Variants in LRBA observed in about 807,000 individuals in gnomAD.
LRBA encodes the protein lipopolysaccharide-responsive and beige-like anchor protein.
LRBA carries 176 observed loss-of-function variants against 330.0 expected under a neutral mutation model. The observed-to-expected ratio is 0.53, with a 90% CI of 0.47 to 0.60. The LOEUF (loss-of-function observed/expected upper bound fraction) is 0.60. Among genes scored for constraint, LRBA ranks in the 20% least tolerant of loss-of-function variants. The pLI is 0.00. For synonymous variants in LRBA, 1,230 were observed against 1,193.0 expected, an observed-to-expected ratio of 1.03 and a Z score of -0.64; for missense variants, 3,259 against 3,444.8, an observed-to-expected ratio of 0.95 and a Z score of 1.35.
At chr4:150,503,705 G>A (rs113723179) in intron 40 of LRBA, among the ~76,000 whole-genome samples, 42 of 152,308 alleles carry the variant, frequency 2.8e-4, no homozygotes, top group African/African-American at 9.1e-4. Flanking sequence ...CCATAGGAAC[G>A]CAGCTCCTCA....
At chr4:150,707,327 G>A (rs1219532041) in intron 36 of LRBA, among the ~76,000 whole-genome samples, 1 of 151,578 alleles carries the variant, frequency 6.6e-6, no homozygotes, top group African/African-American at 2.4e-5. Context: ...ACATGAGATT[G>A]TTAAAACAGC....
intron 40 of LRBA, chr4:150,582,918 C>G: frequency 4.6e-6 from 6 of 1,292,158 alleles, no homozygotes; most frequent in Non-Finnish European, 6.4e-6. Flanking sequence ...TAGGGCTTAA[C>G]GGGGAGCGCA....
chr4:151,002,521 T>C (rs1368626554), intron 2 of LRBA, among the ~76,000 whole-genome samples: 1 of 145,662 alleles, frequency 6.9e-6, no homozygotes, highest in Non-Finnish European at 1.5e-5. Context: ...GCTGAGACTG[T>C]GCCATCACAC....
chr4:150,745,644 T>C (rs568581523), intron 35 of LRBA, among the ~76,000 whole-genome samples: 1 of 152,228 alleles, frequency 6.6e-6, no homozygotes, highest in East Asian at 1.9e-4. Flanking sequence ...GCCTCCTGAG[T>C]AGCTGGGATT....
At chr4:150,475,153 A>G (rs1029122563) in intron 42 of LRBA, among the ~76,000 whole-genome samples, 3 of 152,090 alleles carry the variant, frequency 2.0e-5, no homozygotes, top group Non-Finnish European at 2.9e-5. Flanking sequence ...AATCCTTTTT[A>G]TATACTGCTG....
At chr4:150,543,697 G>A (rs1765555827) in intron 40 of LRBA, among the ~76,000 whole-genome samples, 1 of 152,034 alleles carries the variant, frequency 6.6e-6, no homozygotes. Context: ...CCGAGAAAAG[G>A]TTTCAACAGC....
intron 47 of LRBA, among the ~76,000 whole-genome samples, chr4:150,401,390 C>T (rs998376255): frequency 2.0e-5 from 3 of 151,968 alleles, no homozygotes; most frequent in African/African-American, 7.3e-5. Flanking sequence ...AATTTTTTTC[C>T]GATAACATCA....
intron 48 of LRBA, among the ~76,000 whole-genome samples, chr4:150,346,960 C>A (rs1305817675): frequency 1.3e-5 from 2 of 151,706 alleles, no homozygotes; most frequent in Non-Finnish European, 2.9e-5. Context: ...TGGAAACAAC[C>A]CAAAATGCCC....
At chr4:150,407,877 T>TA (rs1746419554) in intron 47 of LRBA, among the ~76,000 whole-genome samples, 1 of 151,762 alleles carries the variant, frequency 6.6e-6, no homozygotes, top group Admixed American at 6.6e-5. Context: ...GGAAACAAAA[T>TA]ATCAAAATTT....
intron 33 of LRBA, among the ~76,000 whole-genome samples, chr4:150,805,004 T>C (rs1742351208): frequency 1.3e-5 from 2 of 152,074 alleles, no homozygotes; most frequent in South Asian, 2.1e-4. Flanking sequence ...ATTGGTATTT[T>C]GAAGTCAGTC....
At chr4:150,349,421 A>G (rs922702722) in intron 48 of LRBA, among the ~76,000 whole-genome samples, 16 of 152,224 alleles carry the variant, frequency 1.1e-4, no homozygotes, top group African/African-American at 3.9e-4. Flanking sequence ...TACTAAAAAA[A>G]GTAAGGTCTT....
At chr4:150,851,122 A>G (rs1750565671) in intron 23 of LRBA, among the ~76,000 whole-genome samples, 1 of 152,220 alleles carries the variant, frequency 6.6e-6, no homozygotes, top group Non-Finnish European at 1.5e-5. Flanking sequence ...ACAATTTAAA[A>G]GTAATTAACT....
chr4:150,280,012 T>C (rs1411222667), intron 55 of LRBA, among the ~76,000 whole-genome samples: 1 of 152,206 alleles, frequency 6.6e-6, no homozygotes, highest in Non-Finnish European at 1.5e-5. Context: ...TAGTAAAGAA[T>C]CTCTAATCCT....
chr4:150,266,931 T>C (rs918258275), intron 56 of LRBA, among the ~76,000 whole-genome samples: 2 of 151,988 alleles, frequency 1.3e-5, no homozygotes, highest in African/African-American at 4.8e-5. Context: ...TCAGACAAAA[T>C]AGTCTTTCAG....
At chr4:150,754,614 T>C (rs1377392765) in intron 35 of LRBA, among the ~76,000 whole-genome samples, 3 of 149,334 alleles carry the variant, frequency 2.0e-5, no homozygotes, top group African/African-American at 4.9e-5. Context: ...AAAAATAGCA[T>C]CATTTCCAAA....
At chr4:150,360,783 T>TAAC (rs1738578701) in intron 47 of LRBA, among the ~76,000 whole-genome samples, 1 of 152,238 alleles carries the variant, frequency 6.6e-6, no homozygotes, top group African/African-American at 2.4e-5. Flanking sequence ...AGCAGAAATG[T>TAAC]AACATCTTCA....
intron 22 of LRBA, among the ~76,000 whole-genome samples, chr4:150,859,025 TG>T (rs1270345675): frequency 6.6e-6 from 1 of 152,198 alleles, no homozygotes; most frequent in African/African-American, 2.4e-5. Flanking sequence ...TTTTTTCTTA[TG>T]TACAGTGACT....
intron 2 of LRBA, among the ~76,000 whole-genome samples, chr4:151,006,548 C>A (rs1445689821): frequency 6.6e-6 from 1 of 151,902 alleles, no homozygotes; most frequent in African/African-American, 2.4e-5. Context: ...TCTGTTTCAA[C>A]CATATAAAAA....
intron 51 of LRBA, among the ~76,000 whole-genome samples, chr4:150,311,908 A>AT (rs1006874933): frequency 1.2e-4 from 18 of 151,912 alleles, no homozygotes; most frequent in South Asian, 4.2e-4. Flanking sequence ...GTATGATACA[A>AT]TTTTTTTTTA....
Sources: gnomAD v4.1 joint callset for allele counts (sites outside exome capture counted in the v4.1 genomes callset) on GRCh38, gnomAD v4.1.1 for gene constraint, MANE v1.5 for transcripts, NCBI Gene and HGNC (gene_info 2026-07-23, HGNC 2026-07-21) for gene names.